BTBD9: variants seen among roughly 807,000 people sequenced by gnomAD.
The protein encoded by BTBD9 is BTB/POZ domain-containing protein 9.
In BTBD9, 49 loss-of-function variants were observed where a neutral mutation model predicts 64.3. That is an observed-to-expected ratio of 0.76 (90% confidence interval 0.61 to 0.97). The LOEUF is 0.97. BTBD9 is among the 50% of genes least tolerant of loss of function. The pLI is 0.00. For missense variants in BTBD9, 598 were observed against 762.1 expected, an observed-to-expected ratio of 0.78 and a Z score of 2.53; for synonymous variants, 260 against 274.7, an observed-to-expected ratio of 0.95 and a Z score of 0.53.
chr6:38,351,543 T>G (rs1262254948), intron 6 of BTBD9, among the ~76,000 whole-genome samples: 1 of 129,880 alleles, frequency 7.7e-6, no homozygotes, highest in Non-Finnish European at 1.6e-5. Flanking sequence ...GGAGTCTCAC[T>G]TTATAGCCAG....
chr6:38,183,565 C>T (rs773055352), intron 10 of BTBD9, among the ~76,000 whole-genome samples: 22 of 152,212 alleles, frequency 1.4e-4, no homozygotes, highest in Non-Finnish European at 2.5e-4. Context: ...GCTTCTAGAG[C>T]CTCCACACCC....
intron 7 of BTBD9, among the ~76,000 whole-genome samples, chr6:38,300,842 G>A (rs1215983671): frequency 7.6e-4 from 115 of 152,154 alleles, no homozygotes; most frequent in Admixed American, 2.0e-3. Context: ...CTAATTGAAT[G>A]CCCTTTATTT....
At chr6:38,361,738 G>C (rs140241040) in intron 6 of BTBD9, among the ~76,000 whole-genome samples, 1 of 152,086 alleles carries the variant, frequency 6.6e-6, no homozygotes, top group Non-Finnish European at 1.5e-5. Context: ...TACCCAAGAG[G>C]CTGAGGCAAG....
intron 6 of BTBD9, among the ~76,000 whole-genome samples, chr6:38,542,346 T>C (rs1774318563): frequency 6.6e-6 from 1 of 152,134 alleles, no homozygotes; most frequent in African/African-American, 2.4e-5. Context: ...TGTACCCCCA[T>C]TCACCCAGTT....
chr6:38,633,753 T>C (rs879420773), intron 1 of BTBD9, among the ~76,000 whole-genome samples: 1 of 152,160 alleles, frequency 6.6e-6, no homozygotes, highest in Non-Finnish European at 1.5e-5. Flanking sequence ...TTACTCCAAA[T>C]ATGTTCTTTC....
chr6:38,253,388 T>A (rs763365326), intron 9 of BTBD9, among the ~76,000 whole-genome samples: 8 of 152,116 alleles, frequency 5.3e-5, no homozygotes, highest in Non-Finnish European at 8.8e-5. Context: ...TCAGATCCCA[T>A]GAGAACTCAC....
At chr6:38,339,344 G>A (rs1033011931) in intron 7 of BTBD9, among the ~76,000 whole-genome samples, 2 of 152,120 alleles carry the variant, frequency 1.3e-5, no homozygotes, top group African/African-American at 2.4e-5. Flanking sequence ...AATAAGTGTT[G>A]TACAGAAAAG....
chr6:38,458,191 G>C (rs1769909407), intron 6 of BTBD9, among the ~76,000 whole-genome samples: 1 of 152,154 alleles, frequency 6.6e-6, no homozygotes, highest in Non-Finnish European at 1.5e-5. Context: ...GCAAGTAAAA[G>C]AAATCACTTT....
intron 6 of BTBD9, among the ~76,000 whole-genome samples, chr6:38,395,450 G>A (rs1562124170): frequency 6.6e-6 from 1 of 152,104 alleles, no homozygotes; most frequent in East Asian, 1.9e-4. Context: ...TGTCCCTTCT[G>A]TCATGTGAGG....
intron 6 of BTBD9, among the ~76,000 whole-genome samples, chr6:38,471,927 G>A (rs1770668059): frequency 6.6e-6 from 1 of 152,166 alleles, no homozygotes; most frequent in South Asian, 2.1e-4. Context: ...CCTCTTTTGA[G>A]TTGAATATAT....
chr6:38,602,088 T>C (rs1777265951), intron 1 of BTBD9, among the ~76,000 whole-genome samples: 1 of 152,208 alleles, frequency 6.6e-6, no homozygotes, highest in South Asian at 2.1e-4. Context: ...ATCCATATTT[T>C]CAACTTACCA....
chr6:38,608,502 A>G (rs1321156749), intron 1 of BTBD9, among the ~76,000 whole-genome samples: 1 of 152,212 alleles, frequency 6.6e-6, no homozygotes, highest in Non-Finnish European at 1.5e-5. Flanking sequence ...CCTAATTAAT[A>G]AAGGTTATTA....
intron 6 of BTBD9, among the ~76,000 whole-genome samples, chr6:38,353,441 G>C (rs1249308967): frequency 6.6e-6 from 1 of 152,048 alleles, no homozygotes; most frequent in Non-Finnish European, 1.5e-5. Context: ...GAGGGGGATA[G>C]AGAAAGAGAG....
At chr6:38,630,376 C>T (rs951856765) in intron 1 of BTBD9, among the ~76,000 whole-genome samples, 7 of 152,058 alleles carry the variant, frequency 4.6e-5, no homozygotes, top group Admixed American at 2.0e-4. Context: ...ATGAATAAAG[C>T]CTATAGGTTA....
chr6:38,239,058 G>A lies in BTBD9; in HGVS notation c.1562+17351C>T, dbSNP rs894447169. On this transcript the variant is annotated intron_variant, in intron 9 of 10. Coordinates refer to ENST00000481247, the MANE Select transcript of BTBD9 (RefSeq NM_001099272.2). ...CTTAATGGGGTGGGACTCGGGAGAA[G>A]AGTACAGAACATAAAAGGCCCTCTT... Among the ~76,000 whole-genome samples, 8 of 152,140 alleles carry A rather than the reference G, an allele frequency of 5.3e-5. No individual in the cohort carries two copies. In the East Asian group the frequency reaches 1.5e-3, roughly 29 times the overall value.
chr6:38,439,856 G>A (rs756365882), intron 6 of BTBD9, among the ~76,000 whole-genome samples: 34 of 152,224 alleles, frequency 2.2e-4, no homozygotes, highest in Non-Finnish European at 4.0e-4. Context: ...ACTGTTCCAC[G>A]TTCTGGAAAT....
chr6:38,399,264 T>C (rs1259658711), intron 6 of BTBD9, among the ~76,000 whole-genome samples: 3 of 152,204 alleles, frequency 2.0e-5, no homozygotes, highest in Non-Finnish European at 4.4e-5. Flanking sequence ...ATTTAGAATA[T>C]TTAGGATATC....
chr6:38,302,041 T>C (rs1276273285), intron 7 of BTBD9, among the ~76,000 whole-genome samples: 4 of 152,218 alleles, frequency 2.6e-5, no homozygotes, highest in Non-Finnish European at 5.9e-5. Context: ...TAAAGTATGA[T>C]GTTTCGATAC....
chr6:38,238,365 C>T (rs529147449), intron 9 of BTBD9, among the ~76,000 whole-genome samples: 42 of 151,748 alleles, frequency 2.8e-4, no homozygotes, highest in African/African-American at 9.9e-4. Context: ...AACTCAAGGA[C>T]GGGTGCTTCC....
Sources: gnomAD v4.1 joint callset for allele counts (sites outside exome capture counted in the v4.1 genomes callset) on GRCh38, gnomAD v4.1.1 for gene constraint, MANE v1.5 for transcripts, NCBI Gene and HGNC (gene_info 2026-07-23, HGNC 2026-07-21) for gene names.